UBE2E2: variants seen among roughly 807,000 people sequenced by gnomAD.
The protein encoded by UBE2E2 is ubiquitin conjugating enzyme E2 E2.
A neutral mutation model predicts 24.7 loss-of-function variants in UBE2E2; 6 were observed. That is an observed-to-expected ratio of 0.24 (90% CI 0.13 to 0.48). The LOEUF is 0.48. Ranked by LOEUF, UBE2E2 falls within the 20% of genes least tolerant of loss-of-function variation. The pLI, the probability that UBE2E2 is intolerant of heterozygous loss-of-function variation, is 0.99. For missense variants in UBE2E2, 169 were observed against 245.0 expected, an observed-to-expected ratio of 0.69 and a Z score of 2.07; for synonymous variants, 104 against 83.6, an observed-to-expected ratio of 1.24 and a Z score of -1.33.
At chr3:23,257,658 AC>A (rs1338303501) in intron 3 of UBE2E2, among the ~76,000 whole-genome samples, 8 of 150,538 alleles carry the variant, frequency 5.3e-5, no homozygotes, top group Admixed American at 1.3e-4. Flanking sequence ...GGCACAGGCC[AC>A]CATGGCTGGT....
At chr3:23,569,124 C>T (rs1696162517) in intron 5 of UBE2E2, among the ~76,000 whole-genome samples, 1 of 152,124 alleles carries the variant, frequency 6.6e-6, no homozygotes, top group Non-Finnish European at 1.5e-5. Flanking sequence ...CTGATATATT[C>T]ATACAATGGA....
intron 1 of UBE2E2, chr3:23,204,858 A>G (rs1696103168): frequency 1.4e-6 from 1 of 712,522 alleles, no homozygotes; most frequent in South Asian, 6.3e-5. Flanking sequence ...ACAGAATTAA[A>G]CGCTTTCCTG....
At chr3:23,222,299 T>C (rs1214171634) in intron 3 of UBE2E2, among the ~76,000 whole-genome samples, 2 of 152,210 alleles carry the variant, frequency 1.3e-5, no homozygotes, top group African/African-American at 4.8e-5. Context: ...GAATGGTACT[T>C]GGGTAAACAT....
chr3:23,418,471 A>C (rs937800194), intron 3 of UBE2E2, among the ~76,000 whole-genome samples: 20 of 151,988 alleles, frequency 1.3e-4, no homozygotes, highest in Admixed American at 1.3e-3. Context: ...CCTGCACCCC[A>C]GAGCTGTTCT....
chr3:23,219,316 GTGTGC>G (rs1696562876), intron 3 of UBE2E2, among the ~76,000 whole-genome samples: 1 of 152,154 alleles, frequency 6.6e-6, no homozygotes, highest in African/African-American at 2.4e-5. Flanking sequence ...ACACTTATCA[GTGTGC>G]TTGTGTTACT....
chr3:23,353,904 A>G (rs1024156470), intron 3 of UBE2E2, among the ~76,000 whole-genome samples: 1 of 152,190 alleles, frequency 6.6e-6, no homozygotes, highest in African/African-American at 2.4e-5. Context: ...TTCATATGGA[A>G]CCAAAAAAGA....
chr3:23,511,193 A>G (rs1366166106), intron 4 of UBE2E2, among the ~76,000 whole-genome samples: 1 of 152,256 alleles, frequency 6.6e-6, no homozygotes, highest in Non-Finnish European at 1.5e-5. Context: ...TGTAGAATAC[A>G]TAGCGGCATG....
intron 3 of UBE2E2, among the ~76,000 whole-genome samples, chr3:23,259,096 C>T (rs574769760): frequency 4.6e-5 from 7 of 152,102 alleles, no homozygotes; most frequent in East Asian, 3.9e-4. Context: ...GTGGAAAAGA[C>T]GTCACAAGTC....
At chr3:23,319,574 T>TA (rs1463540477) in intron 3 of UBE2E2, among the ~76,000 whole-genome samples, 2 of 152,114 alleles carry the variant, frequency 1.3e-5, no homozygotes, top group Admixed American at 6.6e-5. Flanking sequence ...CTCACGCCTG[T>TA]AATCTCAGCA....
chr3:23,396,871 A>C (rs937367801), intron 3 of UBE2E2, among the ~76,000 whole-genome samples: 2 of 152,178 alleles, frequency 1.3e-5, no homozygotes, highest in African/African-American at 4.8e-5. Flanking sequence ...ATTATGCAGG[A>C]CAGGGGGGAT....
chr3:23,329,620 G>T (rs150129264), intron 3 of UBE2E2, among the ~76,000 whole-genome samples: 1 of 152,232 alleles, frequency 6.6e-6, no homozygotes, highest in African/African-American at 2.4e-5. Context: ...ATTGGAGCCG[G>T]TGGCTCAGAC....
intron 3 of UBE2E2, among the ~76,000 whole-genome samples, chr3:23,460,726 A>T (rs1207015453): frequency 6.6e-6 from 1 of 152,166 alleles, no homozygotes; most frequent in Non-Finnish European, 1.5e-5. Context: ...TAAAGGATGA[A>T]GATTTGGGCA....
intron 4 of UBE2E2, among the ~76,000 whole-genome samples, chr3:23,527,482 TTGCGATCTCAGAAATGTTAAG>T (rs1346667579): frequency 6.6e-6 from 1 of 152,192 alleles, no homozygotes; most frequent in Non-Finnish European, 1.5e-5. Context: ...ACTAAAAGCC[TTGCGATCTCAGAAATGTTAAG>T]TGTCTTCTGA....
At chr3:23,431,872 G>C (rs1327416322) in intron 3 of UBE2E2, among the ~76,000 whole-genome samples, 3 of 152,064 alleles carry the variant, frequency 2.0e-5, no homozygotes, top group Non-Finnish European at 4.4e-5. Context: ...AGTAAGAATG[G>C]GCCAACTTGG....
intron 5 of UBE2E2, among the ~76,000 whole-genome samples, chr3:23,540,972 T>C (rs9824359): frequency 0.67 from 101,988 of 152,138 alleles, 35,822 homozygotes; most frequent in African/African-American, 0.89. Context: ...AAACAGCATG[T>C]TTAAACAATA....
chr3:23,326,881 T>G (rs1234499256), intron 3 of UBE2E2, among the ~76,000 whole-genome samples: 1 of 151,952 alleles, frequency 6.6e-6, no homozygotes, highest in Admixed American at 6.6e-5. Context: ...TGTCCAAGTG[T>G]TCTTATTGTT....
intron 3 of UBE2E2, among the ~76,000 whole-genome samples, chr3:23,276,728 TAGAA>T (rs1283154233): frequency 3.3e-5 from 5 of 152,212 alleles, no homozygotes; most frequent in South Asian, 4.1e-4. Context: ...AAAAATAAAA[TAGAA>T]AGTTATTCAA....
At chr3:23,572,863 T>C (rs913776865) in intron 5 of UBE2E2, among the ~76,000 whole-genome samples, 1 of 152,196 alleles carries the variant, frequency 6.6e-6, no homozygotes, top group Non-Finnish European at 1.5e-5. Flanking sequence ...CAAGTGTCTT[T>C]TTGGTAGAAC....
At chr3:23,397,963 G>A (rs76618547) in intron 3 of UBE2E2, among the ~76,000 whole-genome samples, 11 of 151,730 alleles carry the variant, frequency 7.2e-5, no homozygotes, top group African/African-American at 2.4e-4. Flanking sequence ...TTTTCTCCTC[G>A]GTCTGTTATA....
Sources: allele counts gnomAD v4.1 joint callset (sites outside exome capture counted in the v4.1 genomes callset), GRCh38; gene constraint gnomAD v4.1.1; transcripts MANE v1.5; gene names NCBI Gene and HGNC (gene_info 2026-07-23, HGNC 2026-07-21).